The following CSMD3 variants were observed in gnomAD, a reference collection of about 807,000 sequenced individuals.
CSMD3 encodes the protein CUB and sushi domain-containing protein 3.
CSMD3 carries 177 observed loss-of-function variants against 435.2 expected under a neutral mutation model. The observed-to-expected ratio is 0.41, with a 90% CI of 0.36 to 0.46. The LOEUF is 0.46. Among genes scored for constraint, CSMD3 ranks in the 20% least tolerant of loss-of-function variants. The probability of loss-of-function intolerance (pLI) is 0.34; values close to 1 mark genes in which losing one functional copy is unlikely to be tolerated. For missense variants in CSMD3, 4,265 were observed against 4,504.6 expected, an observed-to-expected ratio of 0.95 and a Z score of 1.52; for synonymous variants, 1,656 against 1,520.5, an observed-to-expected ratio of 1.09 and a Z score of -2.07.
At chr8:112,586,379 T>A (rs563438117) in intron 23 of CSMD3, among the ~76,000 whole-genome samples, 1 of 151,610 alleles carries the variant, frequency 6.6e-6, no homozygotes, top group Admixed American at 6.6e-5. Flanking sequence ...ATGATAAATA[T>A]AAACTATATT....
At chr8:112,615,740 C>T (rs1833615093) in intron 22 of CSMD3, among the ~76,000 whole-genome samples, 1 of 151,994 alleles carries the variant, frequency 6.6e-6, no homozygotes, top group African/African-American at 2.4e-5. Context: ...GTTTTGTGGG[C>T]ATATGTCTGT....
At chr8:113,030,630 C>A (rs1240623308) in intron 5 of CSMD3, among the ~76,000 whole-genome samples, 1 of 150,580 alleles carries the variant, frequency 6.6e-6, no homozygotes, top group Non-Finnish European at 1.5e-5. Flanking sequence ...CAGAATTAAG[C>A]CCAAAAACAA....
rs74600520 is a variant in CSMD3 at position 113,236,475 on chromosome 8, G to A, written c.514+42117C>T. Among the ~76,000 whole-genome samples, 96 of 152,232 alleles carry A rather than the reference G, an allele frequency of 6.3e-4. 1 individual carries two copies. In the East Asian group the frequency reaches 0.015, roughly 23 times the overall value. ...CTGCGGGGCTGAATAGAACAGAATG[G>A]CAGGGAAAAGACAATTTCCACTCTA... On this transcript the variant is annotated intron_variant, in intron 3 of 70. Transcript: ENST00000297405.
intron 10 of CSMD3, among the ~76,000 whole-genome samples, chr8:112,920,846 A>G (rs2082711703): frequency 6.6e-6 from 1 of 151,104 alleles, no homozygotes; most frequent in South Asian, 2.1e-4. Context: ...CTTTCATAAT[A>G]TTTTCTTCTA....
chr8:112,847,923 T>A (rs1332055558), intron 11 of CSMD3, among the ~76,000 whole-genome samples: 3 of 152,148 alleles, frequency 2.0e-5, no homozygotes, highest in African/African-American at 7.2e-5. Flanking sequence ...ATGTATTGAA[T>A]GTACAAAGGT....
At chr8:112,331,154 T>C (rs1056916534) in intron 45 of CSMD3, among the ~76,000 whole-genome samples, 7 of 152,078 alleles carry the variant, frequency 4.6e-5, no homozygotes, top group African/African-American at 7.2e-5. Flanking sequence ...GTGATGGCTA[T>C]ACAAAGTCAC....
Position 112,356,712 on chromosome 8 carries a change from C to G in CSMD3, c.6137-4178G>C, listed in dbSNP as rs533841977. Among the ~76,000 whole-genome samples the G allele has an allele frequency of 3.3e-5, 5 of 151,864 alleles. No homozygotes were observed. In the East Asian group the frequency reaches 9.9e-4, roughly 30 times the overall value. On this transcript the variant is annotated intron_variant, in intron 38 of 70. Coordinates refer to ENST00000297405, the MANE Select transcript of CSMD3 (RefSeq NM_198123.2). Reference sequence around the variant, plus strand: ...AGTCTCTTCCATGCTGTTTTCATGACAGTGAATAAGTTTCATGAGTACTGA... The same window carrying G: ...AGTCTCTTCCATGCTGTTTTCATGAGAGTGAATAAGTTTCATGAGTACTGA...
chr8:112,971,450 T>C (rs1215364288), intron 7 of CSMD3, among the ~76,000 whole-genome samples: 1 of 152,206 alleles, frequency 6.6e-6, no homozygotes, highest in Non-Finnish European at 1.5e-5. Flanking sequence ...TAAGCAATTC[T>C]TTTTTATCTT....
intron 32 of CSMD3, among the ~76,000 whole-genome samples, chr8:112,461,454 T>A (rs1229323781): frequency 6.6e-6 from 1 of 152,076 alleles, no homozygotes; most frequent in Non-Finnish European, 1.5e-5. Flanking sequence ...ATTTCAAATA[T>A]TTTCCCATAT....
intron 1 of CSMD3, among the ~76,000 whole-genome samples, chr8:113,421,704 AT>A (rs2129951879): frequency 6.6e-6 from 1 of 151,962 alleles, no homozygotes; most frequent in Admixed American, 6.6e-5. Context: ...GCCATCCTCT[AT>A]TTTTCACCAA....
At chr8:112,955,935 A>C (rs1016189400) in intron 7 of CSMD3, among the ~76,000 whole-genome samples, 2 of 151,930 alleles carry the variant, frequency 1.3e-5, no homozygotes, top group East Asian at 1.9e-4. Flanking sequence ...ATGGATATTT[A>C]TTGGTTTATG....
chr8:113,150,946 C>T (rs927555382), intron 4 of CSMD3, among the ~76,000 whole-genome samples: 1 of 151,794 alleles, frequency 6.6e-6, no homozygotes, highest in Non-Finnish European at 1.5e-5. Context: ...CAAAATCAAA[C>T]ATTAAAAATG....
intron 9 of CSMD3, among the ~76,000 whole-genome samples, chr8:112,947,006 A>C (rs891455454): frequency 6.6e-6 from 1 of 151,818 alleles, no homozygotes; most frequent in South Asian, 2.1e-4. Context: ...AAAATAAAAA[A>C]TATGTGGTAT....
chr8:113,335,779 A>G (rs1263003579), intron 1 of CSMD3, among the ~76,000 whole-genome samples: 1 of 151,306 alleles, frequency 6.6e-6, no homozygotes, highest in Non-Finnish European at 1.5e-5. Context: ...CTGTTGGTCA[A>G]CCGTGTTGTT....
chr8:112,908,149 G>C (rs2082312489), intron 10 of CSMD3, among the ~76,000 whole-genome samples: 1 of 151,320 alleles, frequency 6.6e-6, no homozygotes, highest in Non-Finnish European at 1.5e-5. Context: ...TATTCAAATA[G>C]AACTTTAGGA....
At chr8:112,358,971 G>A (rs1362867522) in intron 38 of CSMD3, among the ~76,000 whole-genome samples, 1 of 152,038 alleles carries the variant, frequency 6.6e-6, no homozygotes, top group Non-Finnish European at 1.5e-5. Context: ...TAAAAACATA[G>A]TAAAAGTAAA....
At chr8:113,244,842 T>C (rs562408414) in intron 3 of CSMD3, among the ~76,000 whole-genome samples, 45 of 152,296 alleles carry the variant, frequency 3.0e-4, no homozygotes, top group African/African-American at 7.9e-4. Context: ...AAGTCTTCTA[T>C]TTTCTCATTC....
At chr8:112,560,062 G>A (rs1828481590) in intron 24 of CSMD3, among the ~76,000 whole-genome samples, 1 of 151,772 alleles carries the variant, frequency 6.6e-6, no homozygotes, top group South Asian at 2.1e-4. Flanking sequence ...AAGCAAAAAA[G>A]TGTATATTAG....
chr8:113,416,906 A>G (rs1052033697), intron 1 of CSMD3, among the ~76,000 whole-genome samples: 7 of 152,116 alleles, frequency 4.6e-5, no homozygotes, highest in Non-Finnish European at 8.8e-5. Context: ...TAGATATCAA[A>G]CAGGCAAAAC....
Sources: allele counts gnomAD v4.1 joint callset (sites outside exome capture counted in the v4.1 genomes callset), GRCh38; gene constraint gnomAD v4.1.1; transcripts MANE v1.5; gene names NCBI Gene and HGNC (gene_info 2026-07-23, HGNC 2026-07-21).